Variants in ILRUN observed in about 807,000 individuals in gnomAD.
ILRUN encodes the protein inflammation and lipid regulator with UBA-like and NBR1-like domains, also known as protein ILRUN.
ILRUN carries 3 observed loss-of-function variants against 33.8 expected under a neutral mutation model. That is an observed-to-expected ratio of 0.09 (90% confidence interval 0.04 to 0.23). The LOEUF (loss-of-function observed/expected upper bound fraction) is 0.23. ILRUN is among the 10% of genes least tolerant of loss of function. The pLI is 1.00. For synonymous variants in ILRUN, 124 were observed against 138.9 expected (o/e 0.89, Z 0.75); for missense variants, 210 against 375.1 (o/e 0.56, Z 3.64).
intron 4 of ILRUN, among the ~76,000 whole-genome samples, chr6:34,591,724 C>T (rs1396262010): frequency 6.6e-6 from 1 of 152,026 alleles, no homozygotes; most frequent in African/African-American, 2.4e-5. Flanking sequence ...CTCCTGACCT[C>T]GTGATCCGCC....
Position 34,591,181 on chromosome 6 carries a change from A to G in ILRUN, c.862-581T>C, listed in dbSNP as rs961505190. On this transcript the variant is annotated intron_variant, in intron 4 of 4. Transcript: ENST00000374023. Reference sequence around the variant, plus strand: ...ACTGACACCCATTTTACTGCAGAGAATAAGACTTGTTCAAGGTCACCTGGT... The same window carrying G: ...ACTGACACCCATTTTACTGCAGAGAGTAAGACTTGTTCAAGGTCACCTGGT... Among the ~76,000 whole-genome samples the G allele has an allele frequency of 3.3e-5, 5 of 152,194 alleles. No homozygotes were observed. In the South Asian group the frequency reaches 8.3e-4, roughly 25 times the overall value.
intron 3 of ILRUN, among the ~76,000 whole-genome samples, chr6:34,612,893 AT>A (rs1761788135): frequency 1.3e-5 from 2 of 152,164 alleles, no homozygotes; most frequent in Non-Finnish European, 2.9e-5. Context: ...ATACAAAAAA[AT>A]TAGCCGGGCA....
intron 3 of ILRUN, among the ~76,000 whole-genome samples, chr6:34,610,161 AAAAAAAAAAAG>A (rs1211818789): frequency 7.1e-6 from 1 of 141,264 alleles, no homozygotes; most frequent in African/African-American, 2.6e-5. Context: ...ACTCCGTCTC[AAAAAAAAAAAG>A]AAAAAGAAAA....
chr6:34,693,640 T>A (rs1241638855), intron 1 of ILRUN, among the ~76,000 whole-genome samples: 1 of 150,740 alleles, frequency 6.6e-6, no homozygotes, highest in Non-Finnish European at 1.5e-5. Context: ...GTTTTTTATA[T>A]AAAAACTCAA....
chr6:34,688,147 G>A (rs1344722914), intron 1 of ILRUN, among the ~76,000 whole-genome samples: 1 of 152,202 alleles, frequency 6.6e-6, no homozygotes, highest in Non-Finnish European at 1.5e-5. Flanking sequence ...GCTCATGCCT[G>A]TAATCCCAAA....
chr6:34,644,704 A>T (rs1165005216), intron 3 of ILRUN, among the ~76,000 whole-genome samples: 1 of 152,152 alleles, frequency 6.6e-6, no homozygotes, highest in African/African-American at 2.4e-5. Flanking sequence ...AATAACAAGC[A>T]TGTGCATGAT....
intron 3 of ILRUN, among the ~76,000 whole-genome samples, chr6:34,626,128 G>A (rs1035620897): frequency 2.0e-5 from 3 of 152,038 alleles, no homozygotes; most frequent in Non-Finnish European, 4.4e-5. Context: ...GGGATTACAG[G>A]TGTGAGCCAC....
At chr6:34,624,907 T>C (rs187449916) in intron 3 of ILRUN, among the ~76,000 whole-genome samples, 4 of 152,318 alleles carry the variant, frequency 2.6e-5, no homozygotes, top group Admixed American at 2.0e-4. Context: ...AGATAATACA[T>C]TGTGTTAACT....
At chr6:34,676,566 G>A (rs983856470) in intron 1 of ILRUN, among the ~76,000 whole-genome samples, 2 of 151,280 alleles carry the variant, frequency 1.3e-5, no homozygotes, top group East Asian at 3.9e-4. Flanking sequence ...GCAGTGGCAC[G>A]ACCTCAGCTC....
intron 4 of ILRUN, among the ~76,000 whole-genome samples, chr6:34,601,124 G>A (rs545663290): frequency 6.6e-6 from 1 of 152,264 alleles, no homozygotes; most frequent in Admixed American, 6.5e-5. Flanking sequence ...GGGAAGCAGG[G>A]AGGTGACTGG....
intron 4 of ILRUN, among the ~76,000 whole-genome samples, chr6:34,605,323 A>AAAC (rs1761605194): frequency 7.7e-6 from 1 of 129,138 alleles, no homozygotes; most frequent in South Asian, 2.3e-4. Context: ...AAAAACAAAA[A>AAAC]AAAAAAAAAA....
chr6:34,696,071 C>T (rs1581567725), intron 1 of ILRUN, among the ~76,000 whole-genome samples: 1 of 152,192 alleles, frequency 6.6e-6, no homozygotes, highest in East Asian at 1.9e-4. Flanking sequence ...AAATCCAGAT[C>T]TCCTGTGCTT....
intron 4 of ILRUN, among the ~76,000 whole-genome samples, chr6:34,603,231 AG>A (rs1284679992): frequency 3.3e-5 from 5 of 152,158 alleles, no homozygotes; most frequent in African/African-American, 1.2e-4. Context: ...ATGGCAACTG[AG>A]CCGGGCACGG....
chr6:34,676,433 G>C (rs952467360), intron 1 of ILRUN, among the ~76,000 whole-genome samples: 1 of 151,268 alleles, frequency 6.6e-6, no homozygotes, highest in African/African-American at 2.4e-5. Context: ...GATATAGCTA[G>C]CTAGCTAGCT....
intron 1 of ILRUN, among the ~76,000 whole-genome samples, chr6:34,682,961 T>A (rs112834939): frequency 6.9e-5 from 1 of 14,438 alleles, no homozygotes; most frequent in African/African-American, 8.8e-4. Context: ...AGACCCCATC[T>A]CTAAAAAAAT....
At chr6:34,656,095 G>A (rs1762765992) in intron 1 of ILRUN, among the ~76,000 whole-genome samples, 1 of 151,904 alleles carries the variant, frequency 6.6e-6, no homozygotes, top group African/African-American at 2.4e-5. Context: ...AATTAGCCAG[G>A]CACGGTGGCG....
intron 4 of ILRUN, among the ~76,000 whole-genome samples, chr6:34,599,656 C>A (rs1456598316): frequency 6.6e-6 from 1 of 152,216 alleles, no homozygotes; most frequent in Non-Finnish European, 1.5e-5. Flanking sequence ...TTCAGTCTTA[C>A]AGCATTAGAT....
At chr6:34,618,838 T>C (rs1166379816) in intron 3 of ILRUN, among the ~76,000 whole-genome samples, 1 of 152,176 alleles carries the variant, frequency 6.6e-6, no homozygotes, top group East Asian at 1.9e-4. Context: ...GGAGAAGAGA[T>C]GTATTCATTC....
At chr6:34,681,330 C>T (rs995623444) in intron 1 of ILRUN, among the ~76,000 whole-genome samples, 1 of 152,184 alleles carries the variant, frequency 6.6e-6, no homozygotes, top group African/African-American at 2.4e-5. Flanking sequence ...GGCTGACCCT[C>T]TATATTTGGG....
Sources: gnomAD v4.1 joint callset for allele counts (sites outside exome capture counted in the v4.1 genomes callset) on GRCh38, gnomAD v4.1.1 for gene constraint, MANE v1.5 for transcripts, NCBI Gene and HGNC (gene_info 2026-07-23, HGNC 2026-07-21) for gene names.